FHAD1: variants seen among roughly 807,000 people sequenced by gnomAD.
FHAD1 encodes forkhead-associated domain-containing protein 1.
Under a neutral mutation model 191.3 loss-of-function variants are expected in FHAD1, and 146 were observed. The observed-to-expected ratio is 0.76, with a 90% CI of 0.67 to 0.88. The LOEUF (loss-of-function observed/expected upper bound fraction) is 0.88, where lower values mean the gene tolerates loss of function less well. FHAD1 is among the 40% of genes least tolerant of loss of function. The pLI, the probability that FHAD1 is intolerant of heterozygous loss-of-function variation, is 0.00. For missense variants in FHAD1, 1,635 were observed against 1,785.8 expected (o/e 0.92, Z 1.52); for synonymous variants, 616 against 672.3 (o/e 0.92, Z 1.29).
At chr1:15,359,700 A>G (rs2102629147) in intron 21 of FHAD1, among the ~76,000 whole-genome samples, 1 of 152,194 alleles carries the variant, frequency 6.6e-6, no homozygotes, top group South Asian at 2.1e-4. Flanking sequence ...AAAAAATACA[A>G]AAATTAATGG....
rs960492259 is a variant in FHAD1, at chr1:15,374,158, G to A, written c.3448-344G>A. Among the ~76,000 whole-genome samples the A allele has an allele frequency of 1.8e-4, 28 of 152,164 alleles. 1 individual carries two copies. Among genetic ancestry groups the A allele is most frequent in the African/African-American group, 4.8e-4 (20 of 41,436 alleles). On this transcript the variant is annotated intron_variant, in intron 26 of 33. Coordinates refer to ENST00000688493, the MANE Select transcript of FHAD1 (RefSeq NM_001391957.1). Reference sequence around the variant, plus strand: ...GGTTCTCATCTGAAAATGCCCCTCCGGGAGTAGAATTGGCTGTGATTGTTC... The same window carrying A: ...GGTTCTCATCTGAAAATGCCCCTCCAGGAGTAGAATTGGCTGTGATTGTTC...
intron 4 of FHAD1, among the ~76,000 whole-genome samples, chr1:15,292,890 G>T (rs1382983608): frequency 1.3e-5 from 2 of 152,134 alleles, no homozygotes; most frequent in African/African-American, 4.8e-5. Context: ...AGGAGTTCAA[G>T]ACCAGCTGGG....
At position 15,381,933 on chromosome 1, in the gene FHAD1, T is replaced by C. The variant is rs1262864932; in HGVS notation, c.4023-95T>C. The C allele has an allele frequency of 7.3e-7, 1 of 1,369,316 alleles. No homozygotes were observed. The highest frequency in any genetic ancestry group is 1.5e-5 in the African/African-American group (1 of 68,242). The allele number at this position is 1,369,316 out of a possible 1,614,324, so 84.8% of individuals were successfully genotyped here. ...ATGACACTCCTGAGTGAGCCCCCAC[T>C]GTGGATGTATTTTGAGAGACTTCCG... On this transcript the variant is annotated intron_variant, in intron 30 of 33. Transcript: ENST00000688493. This position sits in a 1 kb window ranked among gnomAD's most constrained non-coding sequence, Gnocchi z 4.6.
intron 31 of FHAD1, chr1:15,384,535 A>G (rs1305728232): frequency 6.6e-6 from 1 of 152,264 alleles, no homozygotes; most frequent in East Asian, 1.9e-4. Context: ...CACTGGCTGA[A>G]AATGAAAGAA....
intron 8 of FHAD1, among the ~76,000 whole-genome samples, chr1:15,313,428 G>A (rs534842505): frequency 8.5e-5 from 13 of 152,262 alleles, no homozygotes; most frequent in Middle Eastern, 3.4e-3. Context: ...AAAGATCGGC[G>A]TGCACGTGCC....
At chr1:15,280,937 A>G (rs1164316270) in intron 3 of FHAD1, among the ~76,000 whole-genome samples, 1 of 152,204 alleles carries the variant, frequency 6.6e-6, no homozygotes, top group Non-Finnish European at 1.5e-5. Flanking sequence ...ATCCAGATAA[A>G]TGGCCTTTTT....
In FHAD1 at chr1:15,353,010, G is replaced by A. The variant is rs1308497993; in HGVS notation, c.2562+26G>A. 5.3e-6 allele frequency: 8 copies of A among 1,499,134 alleles called. No homozygotes were observed. In the Admixed American group the frequency reaches 9.8e-5, roughly 18 times the overall value. The allele number at this position is 1,499,134 out of a possible 1,614,324, so 92.9% of individuals were successfully genotyped here. A position where few individuals can be genotyped will look rare whatever the true frequency, so the allele number is the denominator to read the frequency against. Reference sequence around the variant, plus strand: ...GTATGAGCCGCAGGGAGGGAGAGACGAGAGGGGCCCAGCACAGCGAAGGGC... The same window carrying A: ...GTATGAGCCGCAGGGAGGGAGAGACAAGAGGGGCCCAGCACAGCGAAGGGC... On this transcript the variant is annotated intron_variant, in intron 20 of 33. Coordinates refer to ENST00000688493, the MANE Select transcript of FHAD1 (RefSeq NM_001391957.1).
intron 15 of FHAD1, 54 bp downstream of exon 15, chr1:15,339,605 T>C: frequency 3.5e-6 from 3 of 854,360 alleles, no homozygotes; most frequent in Non-Finnish European, 5.0e-6. Flanking sequence ...CTGGTTGGCA[T>C]TTATATAGCA....
intron 28 of FHAD1, among the ~76,000 whole-genome samples, chr1:15,377,989 C>T (rs920809402): frequency 2.0e-5 from 3 of 151,956 alleles, no homozygotes; most frequent in Non-Finnish European, 4.4e-5. Flanking sequence ...CATTGTTATC[C>T]CCGTTTTACA....
intron 4 of FHAD1, among the ~76,000 whole-genome samples, chr1:15,295,131 T>C (rs1226241708): frequency 6.6e-6 from 1 of 152,180 alleles, no homozygotes; most frequent in Non-Finnish European, 1.5e-5. Context: ...GAGTACAGGC[T>C]CTGGATCAGG....
Position 15,282,558 on chromosome 1 carries a change from A to G in FHAD1, c.301-6841A>G, listed in dbSNP as rs530908350. Among the ~76,000 whole-genome samples the G allele has an allele frequency of 1.3e-3, 191 of 152,320 alleles. 1 individual carries two copies. Among genetic ancestry groups the G allele is most frequent in the Non-Finnish European group, 5.0e-4 (34 of 68,032 alleles). ...GAGTAAGACGAAAGTGAAATGAGAA[A>G]GATTTGTATTGGAACCTCACATGTT... On this transcript the variant is annotated intron_variant, in intron 3 of 33. Coordinates refer to ENST00000688493, the MANE Select transcript of FHAD1 (RefSeq NM_001391957.1).
chr1:15,272,871 G>A (rs1355733155), intron 3 of FHAD1, among the ~76,000 whole-genome samples: 1 of 152,162 alleles, frequency 6.6e-6, no homozygotes, highest in Non-Finnish European at 1.5e-5. Flanking sequence ...AGATGAGCAC[G>A]CTGCTCCTTC....
At position 15,360,113 on chromosome 1, in the gene FHAD1, A is replaced by C. The variant is rs1050817152; in HGVS notation, c.2737-365A>C. ...GGGTGACAGAGCAAGACTCTGTCTC[A>C]AAACAAACAACAACAACAACAAAAA... On this transcript the variant is annotated intron_variant, in intron 21 of 33. Coordinates refer to ENST00000688493, the MANE Select transcript of FHAD1 (RefSeq NM_001391957.1). Among the ~76,000 whole-genome samples the C allele has an allele frequency of 2.6e-5, 4 of 152,264 alleles. No individual in the cohort carries two copies. The South Asian group carries it at 8.3e-4, about 32-fold the overall frequency.
chr1:15,364,764 A>G (rs1277489701), intron 23 of FHAD1, among the ~76,000 whole-genome samples: 3 of 152,136 alleles, frequency 2.0e-5, no homozygotes, highest in African/African-American at 4.8e-5. Context: ...CAGCACACAC[A>G]TGACCTATCT....
At chr1:15,313,552 G>A (rs548135624) in intron 8 of FHAD1, among the ~76,000 whole-genome samples, 138 of 152,220 alleles carry the variant, frequency 9.1e-4, no homozygotes, top group Non-Finnish European at 1.2e-3. Context: ...TATTTCCATG[G>A]CAAGGCTTAA....
At chr1:15,293,512 G>A (rs1665663022) in intron 4 of FHAD1, among the ~76,000 whole-genome samples, 1 of 152,160 alleles carries the variant, frequency 6.6e-6, no homozygotes, top group Non-Finnish European at 1.5e-5. Flanking sequence ...AAGGTCGGGA[G>A]TCTGAGACCA....
intron 4 of FHAD1, among the ~76,000 whole-genome samples, chr1:15,293,501 C>CTTG: frequency 6.6e-6 from 1 of 152,246 alleles, no homozygotes; most frequent in Admixed American, 6.5e-5. Context: ...GGGCGAATCA[C>CTTG]AAGGTCGGGA....
chr1:15,375,522 C>T, intron 27 of FHAD1, 81 bp from the exon 28 acceptor site: 2 of 1,325,016 alleles, frequency 1.5e-6, no homozygotes, highest in Non-Finnish European at 1.0e-6. Context: ...TGTAAGTGTC[C>T]TGTAAATAGT....
Position 15,375,711 on chromosome 1 carries a change from C to T in FHAD1, c.3686C>T (p.Ser1229Leu), listed in dbSNP as rs1347399156. 2 of 1,545,442 alleles carry T rather than the reference C, an allele frequency of 1.3e-6. No individual in the cohort carries two copies. Among genetic ancestry groups the T allele is most frequent in the Non-Finnish European group, 1.7e-6 (2 of 1,145,334 alleles). The change falls in exon 28 of 34, where the codon TCA (serine) becomes TTA (leucine). Residue 1229 changes from serine to leucine, a missense_variant. Transcript: ENST00000688493. Reference protein sequence around the residue: ...LDAKPDLPTLSRIEILAPQNG... With the variant: ...LDAKPDLPTLLRIEILAPQNG... ...GCAAAACCGGATTTGCCAACTCTCT[C>T]AAGAATAGAGATCCTAGCGGTAACC...
Sources: allele counts gnomAD v4.1 joint callset (sites outside exome capture counted in the v4.1 genomes callset), GRCh38; gene constraint gnomAD v4.1.1; non-coding constraint Gnocchi (gnomAD v3.1); transcripts MANE v1.5; gene names NCBI Gene and HGNC (gene_info 2026-07-23, HGNC 2026-07-21).